The following ABCA9 variants were observed in gnomAD, a reference collection of about 807,000 sequenced individuals.
ABCA9 encodes the protein ATP binding cassette subfamily A member 9, also known as ATP-binding cassette sub-family A member 9.
Under a neutral mutation model 205.3 loss-of-function variants are expected in ABCA9, and 183 were observed. That is an observed-to-expected ratio of 0.89 (90% confidence interval 0.79 to 1.01). ABCA9 has a LOEUF of 1.01. ABCA9 is among the 50% of genes least tolerant of loss of function. The pLI, the probability that ABCA9 is intolerant of heterozygous loss-of-function variation, is 0.00. For missense variants in ABCA9, 1,805 were observed against 1,912.4 expected (o/e 0.94, Z 1.05); for synonymous variants, 651 against 683.3 (o/e 0.95, Z 0.74).
chr17:69,035,588 A>G lies in ABCA9; in HGVS notation c.942+72T>C, dbSNP rs879247491. 1.5e-5 allele frequency: 23 copies of G among 1,567,268 alleles called. No homozygotes were observed. In the South Asian group the frequency reaches 2.7e-4, roughly 18 times the overall value. On this transcript the variant is annotated intron_variant, in intron 7 of 38. Coordinates refer to ENST00000340001, the MANE Select transcript of ABCA9 (RefSeq NM_080283.4). Reference sequence around the variant, plus strand: ...AGAGAACAAAAGAGGTGAGACCAGAATTAGTGATAAATTATTGGCAGTAGA... The same window carrying G: ...AGAGAACAAAAGAGGTGAGACCAGAGTTAGTGATAAATTATTGGCAGTAGA...
In ABCA9 at chr17:69,046,875, CTATATATATA is replaced by C. The variant is rs71144650; in HGVS notation, c.305-1549_305-1540del. Among the ~76,000 whole-genome samples, 1,064 of 127,732 alleles carry C rather than the reference CTATATATATA, an allele frequency of 8.3e-3. 9 individuals carry two copies. Among genetic ancestry groups the C allele is most frequent in the East Asian group, 0.027 (114 of 4,154 alleles). The allele number at this position is 127,732 out of a possible 152,430, so 83.8% of individuals were successfully genotyped here. A position where few individuals can be genotyped will look rare whatever the true frequency, so the allele number is the denominator to read the frequency against. On this transcript the variant is annotated intron_variant, in intron 3 of 38. Transcript: ENST00000340001. ...CACATTGCCTGAAGGCGATTTTATA[CTATATATATA>C]TATATATATATATATATATATATAT...
In ABCA9 at chr17:69,026,975, C is replaced by T; in HGVS notation, c.2050+1G>A. On this transcript the variant is annotated splice_donor_variant, in intron 15 of 38. Transcript: ENST00000340001. LOFTEE classifies it high-confidence loss of function. ...GATACATAAGAGAAACAAAAAATTA[C>T]CCGCCAGAATGTCAGCCTCATCTAT... is the stretch of plus-strand genomic sequence containing the variant. 6.2e-7 allele frequency: 1 copy of T among 1,613,686 alleles called. No individual in the cohort carries two copies. Among genetic ancestry groups the T allele is most frequent in the Non-Finnish European group, 8.5e-7 (1 of 1,179,826 alleles).
chr17:69,025,843 A>G (rs150182130), intron 16 of ABCA9, among the ~76,000 whole-genome samples: 3 of 152,312 alleles, frequency 2.0e-5, no homozygotes, highest in African/African-American at 7.2e-5. Flanking sequence ...TAACAATAGT[A>G]TCTTCTTAAA....
At chr17:69,033,901 A>AAAAG (rs763492784) in intron 8 of ABCA9, 28 bp from the exon 9 acceptor site, 1 of 1,522,110 alleles carries the variant, frequency 6.6e-7, no homozygotes, top group Non-Finnish European at 9.0e-7. Context: ...AGTGAATTTT[A>AAAAG]AAAGAATTAA....
chr17:69,061,741 TTCTG>T (rs150480103), upstream of ABCA9, among the ~76,000 whole-genome samples: 591 of 152,328 alleles, frequency 3.9e-3, 2 homozygotes, highest in African/African-American at 0.013. Flanking sequence ...ATAGATGCCA[TTCTG>T]TCTATTTTTG....
intron 31 of ABCA9, among the ~76,000 whole-genome samples, chr17:68,988,407 A>G (rs1020955470): frequency 6.6e-6 from 1 of 152,198 alleles, no homozygotes; most frequent in Non-Finnish European, 1.5e-5. Context: ...ATTAGCCCAG[A>G]ATCACCATTG....
At chr17:68,992,343 G>C (rs996399791) in intron 27 of ABCA9, 77 bp from the exon 28 acceptor site, 12 of 931,668 alleles carry the variant, frequency 1.3e-5, no homozygotes, top group Non-Finnish European at 1.7e-5. Flanking sequence ...GATTTAAAGA[G>C]TTTGATTATA....
intron 4 of ABCA9, among the ~76,000 whole-genome samples, chr17:69,044,941 T>TG (rs59105196): frequency 0.87 from 132,419 of 152,070 alleles, 58,591 homozygotes; most frequent in East Asian, 1. Context: ...TTTGTTCAGG[T>TG]TTTTTTTAGG....
chr17:68,986,358 C>G, intron 31 of ABCA9, 34 bp from the exon 32 acceptor site: 4 of 1,578,650 alleles, frequency 2.5e-6, no homozygotes, highest in Non-Finnish European at 3.4e-6. Flanking sequence ...AGATTCTATC[C>G]CAAATGTCAC....
chr17:68,989,898 C>G lies in ABCA9; in HGVS notation c.3870G>C (p.Lys1290Asn), dbSNP rs1408771449. The G allele has an allele frequency of 1.2e-6, 2 of 1,611,942 alleles. No individual in the cohort carries two copies. Among genetic ancestry groups the G allele is most frequent in the Admixed American group, 3.4e-5 (2 of 59,688 alleles). ...TPVIIASCLRKEYAGKKKNCF... is the reference protein window; with the variant it reads ...TPVIIASCLRNEYAGKKKNCF... ...AATTTTTCTTTTTGCCTGCATATTC[C>G]TTCCGTAGACAGCTGGCAATGATGA... Residue 1290 changes from lysine (K) to asparagine (N), a missense_variant, in exon 30 of 39, where the codon AAG becomes AAC. Transcript: ENST00000340001.
intron 11 of ABCA9, 60 bp downstream of exon 11, chr17:69,029,109 A>G (rs992011289): frequency 3.0e-5 from 31 of 1,026,182 alleles, no homozygotes; most frequent in Non-Finnish European, 4.0e-5. Flanking sequence ...CCAAGAAATT[A>G]CAACAGTAAG....
chr17:68,976,071 T>G, intron 38 of ABCA9, 58 bp from the exon 39 acceptor site: 3 of 1,602,982 alleles, frequency 1.9e-6, no homozygotes, highest in Non-Finnish European at 2.6e-6. Context: ...CTCCTGCAGC[T>G]CCAGGCGAAT....
chr17:69,008,374 C>T (rs1220985347), intron 23 of ABCA9, 139 bp from the exon 24 acceptor site: 2 of 721,316 alleles, frequency 2.8e-6, no homozygotes, highest in African/African-American at 1.8e-5. Context: ...GATACCACCA[C>T]TCGCCACACC....
Position 69,032,089 on chromosome 17 carries a change from CAAGT to C in ABCA9, c.1445+15_1445+18del. ...TCTGCCTGTTCTCCATTGGTGCCTCCAAGTAATTTATTGGTTACCTGATGGCTTC... is the reference window on the plus strand; with the variant it reads ...TCTGCCTGTTCTCCATTGGTGCCTCCAATTTATTGGTTACCTGATGGCTTC... On this transcript the variant is annotated intron_variant, in intron 10 of 38. Transcript: ENST00000340001. 6.3e-7 allele frequency: 1 copy of C among 1,595,950 alleles called. No homozygotes were observed. The highest frequency in any genetic ancestry group is 8.5e-7 in the Non-Finnish European group (1 of 1,170,692).
chr17:69,002,722 A>C (rs1182796964), intron 25 of ABCA9, among the ~76,000 whole-genome samples: 1 of 145,616 alleles, frequency 6.9e-6, no homozygotes, highest in South Asian at 2.3e-4. Flanking sequence ...TGGGGTGTTA[A>C]AGTCTCCCAT....
rs1329114903 is a variant in ABCA9 at position 69,021,808 on chromosome 17, C to T, written c.2335G>A (p.Val779Ile). The change falls in exon 18 of 39, where the codon GTT becomes ATT. Residue 779 changes from valine to isoleucine, a missense_variant. Physicochemically the swap from Val to Ile is conservative, Grantham distance 29 (BLOSUM62 3). Transcript: ENST00000340001. ...ACCTCATTCAAAGTTGTTATGGAAA[C>T]ACCATAATCCTCAATGCCTTGGTTA... ...CSNQGIEDYG[V>I]SITTLNEVFL... The T allele has an allele frequency of 6.3e-7, 1 of 1,596,548 alleles. No homozygotes were observed.
At chr17:69,071,463 G>A in the ABCA9 span, among the ~76,000 whole-genome samples, 1 of 152,140 alleles carries the variant, frequency 6.6e-6, no homozygotes, top group Admixed American at 6.6e-5. Context: ...GTCTGGAGTG[G>A]ACCCCCAGCA....
Position 68,992,255 on chromosome 17 carries a change from A to G in ABCA9, c.3636T>C (p.His1212=). 3 of 1,591,004 alleles carry G rather than the reference A, an allele frequency of 1.9e-6. No individual in the cohort carries two copies. Among genetic ancestry groups the G allele is most frequent in the South Asian group, 2.3e-5 (2 of 86,522 alleles). ...GCAGAATGAAAAGAAAAATGAGAAA[A>G]TGAAGGTAAGGCTAGGGAAAAAGAA... ...VYLALLIPYL[H]FLIFLFILRC... Residue 1212 remains histidine, a synonymous_variant, in exon 28 of 39, where the codon CAT becomes CAC. Transcript: ENST00000340001.
At chr17:68,977,615 C>A (rs899699360) in intron 37 of ABCA9, among the ~76,000 whole-genome samples, 1 of 152,124 alleles carries the variant, frequency 6.6e-6, no homozygotes, top group East Asian at 1.9e-4. Flanking sequence ...GTTTACATTA[C>A]CCAGCAGAGA....
Sources: gnomAD v4.1 joint callset for allele counts (sites outside exome capture counted in the v4.1 genomes callset) on GRCh38, gnomAD v4.1.1 for gene constraint, MANE v1.5 for transcripts, NCBI Gene and HGNC (gene_info 2026-07-23, HGNC 2026-07-21) for gene names.